The following WASF1 variants were observed in gnomAD, a reference collection of about 807,000 sequenced individuals.
WASF1 encodes WASP family member 1.
Under a neutral mutation model 50.5 loss-of-function variants are expected in WASF1, and 7 were observed. The observed-to-expected ratio is 0.14, with a 90% CI of 0.08 to 0.26. The LOEUF (loss-of-function observed/expected upper bound fraction) is 0.26. Among genes scored for constraint, WASF1 ranks in the 10% least tolerant of loss-of-function variants. The probability of loss-of-function intolerance (pLI) is 1.00; values close to 1 mark genes in which losing one functional copy is unlikely to be tolerated. For synonymous variants in WASF1, 205 were observed against 244.0 expected (o/e 0.84, Z 1.49); for missense variants, 470 against 694.7 (o/e 0.68, Z 3.64).
chr6:110,102,537 C>A (rs1773140802), intron 9 of WASF1, among the ~76,000 whole-genome samples: 1 of 152,114 alleles, frequency 6.6e-6, no homozygotes, highest in Admixed American at 6.5e-5. Context: ...ACAGGAGTCT[C>A]TATAATGACT....
At chr6:110,110,942 C>T (rs1361347707) in intron 5 of WASF1, among the ~76,000 whole-genome samples, 1 of 151,898 alleles carries the variant, frequency 6.6e-6, no homozygotes, top group African/African-American at 2.4e-5. Flanking sequence ...TGAATTCTTC[C>T]CCCACTGCTC....
chr6:110,140,592 T>G (rs1231893131), intron 3 of WASF1, among the ~76,000 whole-genome samples: 2 of 152,058 alleles, frequency 1.3e-5, no homozygotes, highest in Non-Finnish European at 2.9e-5. Flanking sequence ...AGAATTGAAT[T>G]GAAGAACACC....
intron 3 of WASF1, among the ~76,000 whole-genome samples, chr6:110,150,512 T>C (rs946320420): frequency 2.6e-5 from 4 of 152,192 alleles, no homozygotes; most frequent in Non-Finnish European, 4.4e-5. Context: ...AAGTGCTCAA[T>C]AGCCATACTG....
intron 3 of WASF1, among the ~76,000 whole-genome samples, chr6:110,155,514 T>C (rs1776020852): frequency 7.1e-6 from 1 of 141,732 alleles, no homozygotes; most frequent in Admixed American, 7.2e-5. Flanking sequence ...CAGGTAGGAC[T>C]ACATTATTTC....
intron 5 of WASF1, among the ~76,000 whole-genome samples, chr6:110,112,081 T>C (rs1170802464): frequency 6.6e-6 from 1 of 151,442 alleles, no homozygotes; most frequent in Admixed American, 6.6e-5. Context: ...CATTGGATTA[T>C]TTCAAAAGTA....
At chr6:110,145,509 A>G (rs1236197264) in intron 3 of WASF1, among the ~76,000 whole-genome samples, 2 of 152,130 alleles carry the variant, frequency 1.3e-5, no homozygotes, top group Non-Finnish European at 2.9e-5. Flanking sequence ...GAATAGGAGT[A>G]GTGAGAGAGG....
At chr6:110,125,858 T>TG (rs533760756) in intron 4 of WASF1, among the ~76,000 whole-genome samples, 20 of 152,342 alleles carry the variant, frequency 1.3e-4, no homozygotes, top group African/African-American at 4.8e-4. Context: ...ACCATGTGCC[T>TG]GCTGATAGAT....
chr6:110,154,196 C>T (rs1775953155), intron 3 of WASF1, among the ~76,000 whole-genome samples: 1 of 152,072 alleles, frequency 6.6e-6, no homozygotes, highest in South Asian at 2.1e-4. Flanking sequence ...TTTTTTCCAA[C>T]ATAATTCTCA....
intron 4 of WASF1, among the ~76,000 whole-genome samples, chr6:110,123,470 C>T (rs1774230236): frequency 6.6e-6 from 1 of 152,150 alleles, no homozygotes; most frequent in Non-Finnish European, 1.5e-5. Context: ...GAGAACCAGA[C>T]ATTTAAGCAA....
intron 3 of WASF1, among the ~76,000 whole-genome samples, chr6:110,143,429 T>C (rs1270940978): frequency 6.6e-6 from 1 of 151,904 alleles, no homozygotes; most frequent in Non-Finnish European, 1.5e-5. Flanking sequence ...ATGAGGCATA[T>C]ATATGTATGA....
chr6:110,117,624 CA>C (rs1398540421), intron 4 of WASF1, among the ~76,000 whole-genome samples: 2 of 152,056 alleles, frequency 1.3e-5, no homozygotes, highest in African/African-American at 4.8e-5. Context: ...CCTAACCTAG[CA>C]AGGAAGGCCA....
chr6:110,124,262 CTCTCTCTCTCTCTATATA>C (rs1774304339), intron 4 of WASF1, among the ~76,000 whole-genome samples: 5 of 61,552 alleles, frequency 8.1e-5, no homozygotes, highest in African/African-American at 3.3e-4. Context: ...CTCTCTCTCT[CTCTCTCTCTCTCTATATA>C]TATATATATA....
chr6:110,143,628 T>C (rs552369214), intron 3 of WASF1, among the ~76,000 whole-genome samples: 1 of 152,268 alleles, frequency 6.6e-6, no homozygotes, highest in African/African-American at 2.4e-5. Context: ...ATAAAATAGC[T>C]GCTTATTTTA....
intron 3 of WASF1, among the ~76,000 whole-genome samples, chr6:110,133,590 G>A (rs1034303874): frequency 1.3e-5 from 2 of 152,088 alleles, no homozygotes; most frequent in African/African-American, 4.8e-5. Flanking sequence ...ATTCTTGCAG[G>A]AGCAAGGTGG....
Position 110,101,702 on chromosome 6 carries a change from T to C in WASF1, c.1408A>G (p.Met470Val). ...STAPGPHVPL[M>V]PPSPPSQVIP... ...ACTTGTGATGGAGGAGATGGAGGCATTAATGGAACATGGGGACCTGGGGCA... is the reference window on the plus strand; with the variant it reads ...ACTTGTGATGGAGGAGATGGAGGCACTAATGGAACATGGGGACCTGGGGCA... Residue 470 changes from methionine to valine, a missense_variant, in exon 10 of 11, where the codon ATG becomes GTG. Met to Val is a conservative substitution (Grantham distance 21). Transcript: ENST00000392589. 1 of 1,614,070 alleles carries C rather than the reference T, an allele frequency of 6.2e-7. No homozygotes were observed. The highest frequency in any genetic ancestry group is 8.5e-7 in the Non-Finnish European group (1 of 1,179,994).
rs897705172 is a variant in WASF1, at chr6:110,114,572, T to C, written c.134-1112A>G. Among the ~76,000 whole-genome samples the C allele has an allele frequency of 3.3e-5, 5 of 151,916 alleles. 1 individual carries two copies. Among genetic ancestry groups the C allele is most frequent in the African/African-American group, 1.2e-4 (5 of 41,354 alleles). On this transcript the variant is annotated intron_variant, in intron 4 of 10. Transcript: ENST00000392589. ...GAAAGCATACATACAGACTCTAACA[T>C]GATTTGAGAAAAAGTGAAGTCCATA...
chr6:110,104,806 G>GT (rs1290501421), intron 8 of WASF1, among the ~76,000 whole-genome samples: 1 of 152,026 alleles, frequency 6.6e-6, no homozygotes, highest in Non-Finnish European at 1.5e-5. Flanking sequence ...ACAAACAAAC[G>GT]TATGACTATA....
intron 3 of WASF1, among the ~76,000 whole-genome samples, chr6:110,146,947 A>C (rs143849850): frequency 8.3e-4 from 126 of 152,300 alleles, no homozygotes; most frequent in African/African-American, 2.9e-3. Context: ...ACTAGTCATC[A>C]TGCTGAACAT....
chr6:110,118,684 C>T (rs892692470), intron 4 of WASF1, among the ~76,000 whole-genome samples: 3 of 152,072 alleles, frequency 2.0e-5, no homozygotes, highest in Non-Finnish European at 2.9e-5. Flanking sequence ...CAGCTCTGGA[C>T]CAAGCAGACC....
Sources: gnomAD v4.1 joint callset for allele counts (sites outside exome capture counted in the v4.1 genomes callset) on GRCh38, gnomAD v4.1.1 for gene constraint, MANE v1.5 for transcripts, NCBI Gene and HGNC (gene_info 2026-07-23, HGNC 2026-07-21) for gene names.